JMJD1C: variants seen among roughly 807,000 people sequenced by gnomAD.
JMJD1C encodes the protein jumonji domain-containing protein 1C.
A neutral mutation model predicts 245.3 loss-of-function variants in JMJD1C; 31 were observed. The observed-to-expected ratio is 0.13, with a 90% CI of 0.09 to 0.17. The LOEUF is 0.17. Among genes scored for constraint, JMJD1C ranks in the 10% least tolerant of loss-of-function variants. The probability of loss-of-function intolerance (pLI) is 1.00; values close to 1 mark genes in which losing one functional copy is unlikely to be tolerated. For synonymous variants in JMJD1C, 1,057 were observed against 1,017.4 expected, an observed-to-expected ratio of 1.04 and a Z score of -0.74; for missense variants, 2,691 against 3,000.2, an observed-to-expected ratio of 0.90 and a Z score of 2.41.
chr10:63,183,390 T>G (rs1589077618), intron 22 of JMJD1C, 57 bp downstream of exon 22: 1 of 1,470,502 alleles, frequency 6.8e-7, no homozygotes, highest in Non-Finnish European at 9.3e-7. Context: ...TGGACAATAC[T>G]AGTGAATGTG....
At chr10:63,473,142 GAT>G (rs1476702725) in intron 1 of JMJD1C, among the ~76,000 whole-genome samples, 3 of 151,984 alleles carry the variant, frequency 2.0e-5, no homozygotes, top group Admixed American at 2.0e-4. Flanking sequence ...ACAGAATAGA[GAT>G]ATAATACTTT....
rs190259374 is a variant in JMJD1C, at chr10:63,389,545, T to C, written c.169-9063A>G. Among the ~76,000 whole-genome samples the C allele has an allele frequency of 4.3e-3, 653 of 150,610 alleles. 1 individual carries two copies. Among genetic ancestry groups the C allele is most frequent in the African/African-American group, 9.9e-3 (406 of 41,056 alleles). ...GATTTAAACTGCACATTAGACCAAA[T>C]GGACCTAACAAACATTTATAGAACA... On this transcript the variant is annotated intron_variant, in intron 1 of 25. Transcript: ENST00000399262.
At chr10:63,466,012 A>G (rs1055553166), upstream of JMJD1C, 1 of 253,078 alleles carries the variant, frequency 4.0e-6, no homozygotes, top group Non-Finnish European at 7.6e-6. Flanking sequence ...GGCGGCGCGC[A>G]GCGCGTCTCC....
At chr10:63,382,927 C>T (rs1471041094) in intron 1 of JMJD1C, 31 of 453,174 alleles carry the variant, frequency 6.8e-5, no homozygotes. Context: ...ACTGCAATTA[C>T]TTTTTTTATA....
At chr10:63,217,354 G>C in intron 4 of JMJD1C, 23 bp from the exon 5 acceptor site, 1 of 1,531,940 alleles carries the variant, frequency 6.5e-7, no homozygotes, top group African/African-American at 1.4e-5. Flanking sequence ...ACAAGAAACA[G>C]AAACATCTTA....
intron 2 of JMJD1C, among the ~76,000 whole-genome samples, chr10:63,305,378 A>AAAC (rs946505632): frequency 2.3e-5 from 1 of 44,244 alleles, no homozygotes; most frequent in African/African-American, 4.9e-5. Flanking sequence ...AAAAAAAAAC[A>AAAC]AAAAACAAAA....
At chr10:63,233,781 A>AC (rs946679134) in intron 3 of JMJD1C, among the ~76,000 whole-genome samples, 3 of 118,684 alleles carry the variant, frequency 2.5e-5, no homozygotes, top group South Asian at 2.9e-4. Flanking sequence ...ACACACACAC[A>AC]CACCACCACC....
chr10:63,221,986 T>C (rs898847758), intron 3 of JMJD1C, among the ~76,000 whole-genome samples: 2 of 152,158 alleles, frequency 1.3e-5, no homozygotes, highest in Admixed American at 1.3e-4. Flanking sequence ...CCTCCCAAAG[T>C]GTTGGTATTA....
At chr10:63,274,244 C>T (rs898524975) in intron 2 of JMJD1C, among the ~76,000 whole-genome samples, 2 of 152,166 alleles carry the variant, frequency 1.3e-5, no homozygotes, top group East Asian at 3.8e-4. Flanking sequence ...GTAACTCCTA[C>T]ATCATTGTAA....
chr10:63,347,769 G>T (rs1325354770), intron 2 of JMJD1C, among the ~76,000 whole-genome samples: 1 of 151,690 alleles, frequency 6.6e-6, no homozygotes, highest in African/African-American at 2.4e-5. Context: ...ACAAAAATCA[G>T]CCAGGCGTGG....
At chr10:63,417,536 G>A (rs908936785) in intron 1 of JMJD1C, among the ~76,000 whole-genome samples, 5 of 152,062 alleles carry the variant, frequency 3.3e-5, no homozygotes, top group African/African-American at 7.2e-5. Context: ...AAATTAGTGG[G>A]CAAAATCTGA....
At chr10:63,486,892 A>G (rs1954017667) in intron 1 of JMJD1C, among the ~76,000 whole-genome samples, 1 of 152,166 alleles carries the variant, frequency 6.6e-6, no homozygotes, top group Non-Finnish European at 1.5e-5. Flanking sequence ...GCGCTACACT[A>G]AGTACCTTAC....
At chr10:63,290,863 A>C (rs1858588544) in intron 2 of JMJD1C, among the ~76,000 whole-genome samples, 2 of 152,218 alleles carry the variant, frequency 1.3e-5, no homozygotes, top group African/African-American at 4.8e-5. Flanking sequence ...AAGCTAAAAA[A>C]AATCAGTATG....
intron 1 of JMJD1C, among the ~76,000 whole-genome samples, chr10:63,388,817 T>C (rs1440979599): frequency 6.6e-6 from 1 of 151,996 alleles, no homozygotes; most frequent in Non-Finnish European, 1.5e-5. Context: ...AAGGTACATA[T>C]AAACTGAAAG....
At chr10:63,326,312 T>A (rs370427560) in intron 2 of JMJD1C, among the ~76,000 whole-genome samples, 2 of 151,232 alleles carry the variant, frequency 1.3e-5, no homozygotes, top group East Asian at 1.9e-4. Context: ...CCGACCAACA[T>A]GGTGAAACCC....
At chr10:63,276,132 T>TA (rs1856746004) in intron 2 of JMJD1C, among the ~76,000 whole-genome samples, 1 of 152,030 alleles carries the variant, frequency 6.6e-6, no homozygotes, top group African/African-American at 2.4e-5. Flanking sequence ...CATTAACTGG[T>TA]AGTCTTTGAA....
intron 2 of JMJD1C, among the ~76,000 whole-genome samples, chr10:63,361,738 AAAAAAAAAAG>A (rs1317035325): frequency 1.3e-5 from 2 of 150,514 alleles, no homozygotes; most frequent in African/African-American, 4.9e-5. Flanking sequence ...AAAAAAAAAA[AAAAAAAAAAG>A]AAAAAGAATA....
chr10:63,409,838 C>G (rs917942696), intron 1 of JMJD1C, among the ~76,000 whole-genome samples: 52 of 152,172 alleles, frequency 3.4e-4, no homozygotes, highest in African/African-American at 1.2e-3. Context: ...CTGGTTAAGG[C>G]ATAATGTTAG....
intron 17 of JMJD1C, among the ~76,000 whole-genome samples, chr10:63,190,273 C>T (rs1312237596): frequency 2.0e-5 from 3 of 152,064 alleles, no homozygotes; most frequent in African/African-American, 7.2e-5. Context: ...GGCGTGATCT[C>T]GGCTCATTGC....
Sources: gnomAD v4.1 joint callset for allele counts (sites outside exome capture counted in the v4.1 genomes callset) on GRCh38, gnomAD v4.1.1 for gene constraint, MANE v1.5 for transcripts, NCBI Gene and HGNC (gene_info 2026-07-23, HGNC 2026-07-21) for gene names.